The following RYR2 variants were observed in gnomAD, a reference collection of about 807,000 sequenced individuals.
The protein encoded by RYR2 is cardiac muscle ryanodine receptor-calcium release channel.
Under a neutral mutation model 601.1 loss-of-function variants are expected in RYR2, and 227 were observed. The ratio of observed to expected loss-of-function variants is 0.38; its 90% CI spans 0.34 to 0.42. RYR2 has a LOEUF of 0.42. Among genes scored for constraint, RYR2 ranks in the 10% least tolerant of loss-of-function variants. RYR2 has a pLI of 1.00. For synonymous variants in RYR2, 2,223 were observed against 2,175.1 expected (o/e 1.02, Z -0.61); for missense variants, 4,646 against 6,156.5 (o/e 0.75, Z 8.21).
chr1:237,301,609 A>G (rs1693358940), intron 2 of RYR2, among the ~76,000 whole-genome samples: 1 of 151,492 alleles, frequency 6.6e-6, no homozygotes, highest in Non-Finnish European at 1.5e-5. Context: ...ATTAAGCAGA[A>G]CCAGTTTCTT....
At chr1:237,571,951 C>T (rs913077173) in intron 29 of RYR2, among the ~76,000 whole-genome samples, 1 of 152,144 alleles carries the variant, frequency 6.6e-6, no homozygotes. Context: ...GTGTTACAAA[C>T]AATCCAATTA....
chr1:237,787,276 G>GA (rs1657706733), intron 91 of RYR2, among the ~76,000 whole-genome samples: 1 of 151,876 alleles, frequency 6.6e-6, no homozygotes, highest in South Asian at 2.1e-4. Context: ...AATCTTAATG[G>GA]AAAATGTTAA....
At chr1:237,752,562 T>A (rs1692622340) in intron 80 of RYR2, among the ~76,000 whole-genome samples, 1 of 152,050 alleles carries the variant, frequency 6.6e-6, no homozygotes, top group East Asian at 1.9e-4. Flanking sequence ...GAAATGTAGC[T>A]AATCTACATT....
At chr1:237,125,171 T>C (rs1671271580) in intron 1 of RYR2, among the ~76,000 whole-genome samples, 1 of 152,160 alleles carries the variant, frequency 6.6e-6, no homozygotes, top group Non-Finnish European at 1.5e-5. Context: ...ATCTGTAAGA[T>C]ACGAAACTGG....
At chr1:237,488,026 G>A (rs527982142) in intron 17 of RYR2, among the ~76,000 whole-genome samples, 1 of 152,050 alleles carries the variant, frequency 6.6e-6, no homozygotes, top group South Asian at 2.1e-4. Flanking sequence ...TTTTCATATA[G>A]CCATTTTTGC....
chr1:237,379,754 C>T (rs1349293697), intron 8 of RYR2, among the ~76,000 whole-genome samples: 1 of 152,154 alleles, frequency 6.6e-6, no homozygotes, highest in African/African-American at 2.4e-5. Context: ...GTGGCTGGGA[C>T]TACAGGCATG....
At chr1:237,458,665 A>G (rs1302823633) in intron 16 of RYR2, among the ~76,000 whole-genome samples, 1 of 152,136 alleles carries the variant, frequency 6.6e-6, no homozygotes, top group Non-Finnish European at 1.5e-5. Context: ...ATAAATGTGT[A>G]TTCATTACGT....
chr1:237,775,811 C>T (rs970981748), intron 87 of RYR2, among the ~76,000 whole-genome samples: 10 of 152,128 alleles, frequency 6.6e-5, no homozygotes, highest in Admixed American at 1.3e-4. Context: ...GTTGCAGGTA[C>T]ATACGTCATG....
In RYR2 at chr1:237,784,699, A is replaced by G; in HGVS notation, c.12987A>G (p.Glu4329=). ...VEGAKKIKVA[E]LLANMPDPTQ... is the part of the protein sequence containing the mutation. ...GTGCTAAAAAGATCAAAGTTGCAGA[A>G]CTGTTAGCCAACATGCCAGACCCCA... The change falls in exon 90 of 105, where the codon GAA becomes GAG. Residue 4329 remains glutamate, a synonymous_variant. Transcript: ENST00000366574. The surrounding 1 kb of genome is among the most constrained non-coding windows in gnomAD (Gnocchi z 7.1). 1 of 1,609,390 alleles carries G rather than the reference A, an allele frequency of 6.2e-7. No individual in the cohort carries two copies. The highest frequency in any genetic ancestry group is 8.5e-7 in the Non-Finnish European group (1 of 1,177,048).
At chr1:237,240,665 C>CAAAAAAAA (rs35984919) in intron 1 of RYR2, among the ~76,000 whole-genome samples, 7 of 55,144 alleles carry the variant, frequency 1.3e-4, no homozygotes, top group Admixed American at 6.7e-4. Context: ...CTATAAAAGC[C>CAAAAAAAA]AAAAAAAAAA....
intron 100 of RYR2, among the ~76,000 whole-genome samples, chr1:237,814,805 T>C (rs941968273): frequency 6.6e-6 from 1 of 152,070 alleles, no homozygotes; most frequent in African/African-American, 2.4e-5. Context: ...TCAAGACTTA[T>C]GCACTTTGGG....
chr1:237,742,269 CCT>C lies in RYR2; in HGVS notation c.11092-26_11092-25del, dbSNP rs1491393066. 9 of 1,283,894 alleles carry C rather than the reference CCT, an allele frequency of 7.0e-6. No homozygotes were observed. The African/African-American group carries it at 1.5e-4, about 22-fold the overall frequency. 79.5% of individuals were successfully genotyped at this position (1,283,894 alleles called of 1,614,324 possible). On this transcript the variant is annotated intron_variant, in intron 79 of 104. Transcript: ENST00000366574. Reference sequence around the variant, plus strand: ...CTAAAATCTCAACATATTCCTGTCTCCTTTTTTTTTTTTTTTAAATATACAGA... The same window carrying C: ...CTAAAATCTCAACATATTCCTGTCTCTTTTTTTTTTTTTTAAATATACAGA...
At chr1:237,657,333 T>A (rs1324769746) in intron 53 of RYR2, among the ~76,000 whole-genome samples, 1 of 152,070 alleles carries the variant, frequency 6.6e-6, no homozygotes, top group Non-Finnish European at 1.5e-5. Context: ...ATGAATAGAA[T>A]TATGTATGTA....
intron 1 of RYR2, among the ~76,000 whole-genome samples, chr1:237,111,071 C>T (rs1423592093): frequency 1.3e-5 from 2 of 152,106 alleles, no homozygotes; most frequent in Non-Finnish European, 2.9e-5. Context: ...GCAATTGGGT[C>T]CTTTGTGAGG....
At chr1:237,618,119 C>T (rs1041705132) in intron 38 of RYR2, among the ~76,000 whole-genome samples, 1 of 152,074 alleles carries the variant, frequency 6.6e-6, no homozygotes, top group Non-Finnish European at 1.5e-5. Context: ...TGATTTCTTA[C>T]CCTTACCATT....
intron 80 of RYR2, among the ~76,000 whole-genome samples, chr1:237,752,941 T>C (rs1692655836): frequency 6.6e-6 from 1 of 152,180 alleles, no homozygotes; most frequent in Non-Finnish European, 1.5e-5. Context: ...AGGAAAATAT[T>C]ATGAAAACCT....
Position 237,783,655 on chromosome 1 carries a change from T to C in RYR2, c.11963-20T>C, listed in dbSNP as rs1695309002. On this transcript the variant is annotated intron_variant, in intron 89 of 104. Coordinates refer to ENST00000366574, the MANE Select transcript of RYR2 (RefSeq NM_001035.3). ...ATTTTGTTAGTTTATTTTAAACAAA[T>C]GCAACTGCTTTACCACCAGGTAATG... 1 of 1,506,474 alleles carries C rather than the reference T, an allele frequency of 6.6e-7. No individual in the cohort carries two copies. 93.3% of individuals were successfully genotyped at this position (1,506,474 alleles called of 1,614,324 possible). A position where few individuals can be genotyped will look rare whatever the true frequency, so the allele number is the denominator to read the frequency against.
At chr1:237,525,150 T>A (rs575637763) in intron 24 of RYR2, among the ~76,000 whole-genome samples, 4 of 152,228 alleles carry the variant, frequency 2.6e-5, no homozygotes, top group South Asian at 4.1e-4. Context: ...GTCCCTACTA[T>A]CTATTATTTC....
chr1:237,436,000 G>C (rs943886663), intron 12 of RYR2, among the ~76,000 whole-genome samples: 1 of 152,168 alleles, frequency 6.6e-6, no homozygotes, highest in Non-Finnish European at 1.5e-5. Flanking sequence ...TTGGCCACAG[G>C]TGGTAAGGAA....
Sources: allele counts gnomAD v4.1 joint callset (sites outside exome capture counted in the v4.1 genomes callset), GRCh38; gene constraint gnomAD v4.1.1; non-coding constraint Gnocchi (gnomAD v3.1); transcripts MANE v1.5; gene names NCBI Gene and HGNC (gene_info 2026-07-23, HGNC 2026-07-21).